The following CLINT1 variants were observed in gnomAD, a reference collection of about 807,000 sequenced individuals.
CLINT1 encodes clathrin interactor 1.
CLINT1 carries 15 observed loss-of-function variants against 70.4 expected under a neutral mutation model. The observed-to-expected ratio is 0.21, with a 90% CI of 0.14 to 0.33. The LOEUF (loss-of-function observed/expected upper bound fraction) is 0.33, where lower values mean the gene tolerates loss of function less well. Among genes scored for constraint, CLINT1 ranks in the 10% least tolerant of loss-of-function variants. CLINT1 has a pLI of 1.00. For synonymous variants in CLINT1, 227 were observed against 254.7 expected (o/e 0.89, Z 1.04); for missense variants, 615 against 778.1 (o/e 0.79, Z 2.49).
intron 8 of CLINT1, among the ~76,000 whole-genome samples, chr5:157,801,464 G>C (rs1045544300): frequency 3.3e-5 from 5 of 151,780 alleles, no homozygotes; most frequent in African/African-American, 1.2e-4. Flanking sequence ...TCAAGACTGT[G>C]TACTGCACTC....
chr5:157,792,601 A>C (rs1761951942), intron 9 of CLINT1, among the ~76,000 whole-genome samples: 1 of 152,170 alleles, frequency 6.6e-6, no homozygotes, highest in Non-Finnish European at 1.5e-5. Flanking sequence ...TGACAATACA[A>C]GGGCTATAAC....
chr5:157,854,010 G>A (rs1270162812), intron 1 of CLINT1, among the ~76,000 whole-genome samples: 8 of 152,048 alleles, frequency 5.3e-5, no homozygotes, highest in Admixed American at 3.9e-4. Flanking sequence ...AGAAAAGGAG[G>A]AGAATAATTA....
At chr5:157,847,187 G>A (rs1434652104) in intron 1 of CLINT1, among the ~76,000 whole-genome samples, 1 of 152,162 alleles carries the variant, frequency 6.6e-6, no homozygotes, top group Non-Finnish European at 1.5e-5. Flanking sequence ...CTTCTGGAAA[G>A]AATTCACCAT....
Position 157,846,526 on chromosome 5 carries a change from A to G in CLINT1, c.41+12404T>C, listed in dbSNP as rs1753385952. Among the ~76,000 whole-genome samples, 4 of 152,256 alleles carry G rather than the reference A, an allele frequency of 2.6e-5. No individual in the cohort carries two copies. In the South Asian group the frequency reaches 6.2e-4, roughly 24 times the overall value. Reference sequence around the variant, plus strand: ...AGGTTTAAGAAAAGAAGCCGCCTCCATAAGAGAAAAATTTAAGGTGAAACA... The same window carrying G: ...AGGTTTAAGAAAAGAAGCCGCCTCCGTAAGAGAAAAATTTAAGGTGAAACA... On this transcript the variant is annotated intron_variant, in intron 1 of 11. Transcript: ENST00000411809.
intron 6 of CLINT1, among the ~76,000 whole-genome samples, chr5:157,808,579 G>A (rs1345871752): frequency 1.3e-5 from 2 of 152,090 alleles, no homozygotes; most frequent in East Asian, 3.8e-4. Flanking sequence ...AATTTGCTCT[G>A]TAAATTAAGT....
chr5:157,798,428 A>C (rs988958731), intron 8 of CLINT1, among the ~76,000 whole-genome samples: 1 of 152,204 alleles, frequency 6.6e-6, no homozygotes, highest in African/African-American at 2.4e-5. Context: ...GTATTTCCCA[A>C]AGCAATATTG....
rs2113317516 is a variant in CLINT1, at chr5:157,846,673, C to G, written c.41+12257G>C. 1.3e-5 allele frequency among the ~76,000 whole-genome samples: 2 copies of G among 152,260 alleles called. 1 individual carries two copies. Among genetic ancestry groups the G allele is most frequent in the South Asian group, 4.1e-4 (2 of 4,822 alleles). On this transcript the variant is annotated intron_variant, in intron 1 of 11. Transcript: ENST00000411809. Reference sequence around the variant, plus strand: ...TGAAACGGCCTTCCAGTGGAAGATGCCATCTAGGACTTTCATAGCTAGAGA... The same window carrying G: ...TGAAACGGCCTTCCAGTGGAAGATGGCATCTAGGACTTTCATAGCTAGAGA...
intron 8 of CLINT1, among the ~76,000 whole-genome samples, chr5:157,802,911 T>C (rs1762272282): frequency 6.6e-6 from 1 of 152,252 alleles, no homozygotes; most frequent in African/African-American, 2.4e-5. Context: ...ACTGAAGCAC[T>C]TGCCATTGTT....
intron 1 of CLINT1, among the ~76,000 whole-genome samples, chr5:157,846,603 A>G (rs115280409): frequency 1.9e-3 from 284 of 152,374 alleles, no homozygotes; most frequent in African/African-American, 6.4e-3. Flanking sequence ...TCTAGCTAAG[A>G]TCATCTAATG....
intron 1 of CLINT1, among the ~76,000 whole-genome samples, chr5:157,846,542 A>G (rs1694049777): frequency 6.6e-6 from 1 of 152,240 alleles, no homozygotes; most frequent in Non-Finnish European, 1.5e-5. Context: ...GAAAAATTTA[A>G]GGTGAAACAG....
chr5:157,841,354 T>A (rs1202452590), intron 1 of CLINT1, among the ~76,000 whole-genome samples: 1 of 151,562 alleles, frequency 6.6e-6, no homozygotes, highest in Non-Finnish European at 1.5e-5. Flanking sequence ...CCACCTGAGG[T>A]CAGGAGTTCG....
At chr5:157,828,964 T>C (rs1035604830) in intron 1 of CLINT1, among the ~76,000 whole-genome samples, 1 of 146,332 alleles carries the variant, frequency 6.8e-6, no homozygotes, top group Non-Finnish European at 1.5e-5. Context: ...TAGCTGAGCA[T>C]GGTGGTGTGC....
chr5:157,833,055 T>C (rs1028510809), intron 1 of CLINT1, among the ~76,000 whole-genome samples: 1 of 152,158 alleles, frequency 6.6e-6, no homozygotes, highest in Admixed American at 6.6e-5. Flanking sequence ...TTATTGCCTT[T>C]AAGCAGAAGT....
chr5:157,838,933 A>G (rs193019661), intron 1 of CLINT1, among the ~76,000 whole-genome samples: 6 of 152,374 alleles, frequency 3.9e-5, no homozygotes, highest in African/African-American at 1.2e-4. Context: ...TATTCTCTTT[A>G]TATTTAATAA....
intron 6 of CLINT1, among the ~76,000 whole-genome samples, chr5:157,808,767 T>C (rs1259317116): frequency 6.6e-6 from 1 of 152,088 alleles, no homozygotes; most frequent in Non-Finnish European, 1.5e-5. Flanking sequence ...CAAAATCCAT[T>C]TGGATTGTTT....
At chr5:157,846,908 A>C (rs1753401779) in intron 1 of CLINT1, among the ~76,000 whole-genome samples, 1 of 152,246 alleles carries the variant, frequency 6.6e-6, no homozygotes, top group African/African-American at 2.4e-5. Flanking sequence ...GATTATTTTA[A>C]GCCCACTGTT....
In CLINT1 at chr5:157,789,417, T is replaced by C. The variant is rs762597450; in HGVS notation, c.1477A>G (p.Met493Val). The change falls in exon 11 of 12, where the codon ATG becomes GTG. Residue 493 changes from methionine to valine, a missense_variant. Met to Val is a conservative substitution (Grantham distance 21, BLOSUM62 1). Around this residue, in one of 2 missense-constraint regions of CLINT1, gnomAD observed 374 missense variants for 409.6 expected, o/e 0.91. Coordinates refer to ENST00000411809, the MANE Select transcript of CLINT1 (RefSeq NM_014666.4). ...NISLDNLLPG[M>V]QPSKPQQPSL... is the part of the protein sequence containing the mutation. ...GGCTGCTGGGGTTTGGAAGGCTGCA[T>C]ACCAGGTAGTAAGTTGTCTAGGCTG... is the stretch of plus-strand genomic sequence containing the variant. 3 of 1,614,018 alleles carry C rather than the reference T, an allele frequency of 1.9e-6. No homozygotes were observed. The highest frequency in any genetic ancestry group is 2.5e-6 in the Non-Finnish European group (3 of 1,179,874).
At chr5:157,811,700 C>T (rs1320219368) in intron 5 of CLINT1, among the ~76,000 whole-genome samples, 1 of 152,100 alleles carries the variant, frequency 6.6e-6, no homozygotes, top group East Asian at 1.9e-4. Context: ...TGCATTGTGA[C>T]TGAGTTTGAA....
intron 1 of CLINT1, among the ~76,000 whole-genome samples, chr5:157,844,407 T>C (rs1224703277): frequency 3.3e-5 from 5 of 152,322 alleles, no homozygotes; most frequent in African/African-American, 9.6e-5. Flanking sequence ...CATATGCATA[T>C]GCCTTACAGA....
Sources: allele counts gnomAD v4.1 joint callset (sites outside exome capture counted in the v4.1 genomes callset), GRCh38; gene constraint gnomAD v4.1.1; regional missense constraint gnomAD v4.1.1; transcripts MANE v1.5; gene names NCBI Gene and HGNC (gene_info 2026-07-23, HGNC 2026-07-21).